CSMD1: variants seen among roughly 807,000 people sequenced by gnomAD.
CSMD1 encodes CUB and sushi domain-containing protein 1.
In CSMD1, 213 loss-of-function variants were observed where a neutral mutation model predicts 417.5. The observed-to-expected ratio is 0.51, with a 90% CI of 0.46 to 0.57. The LOEUF is 0.57. Among genes scored for constraint, CSMD1 ranks in the 20% least tolerant of loss-of-function variants. The pLI is 0.00. For missense variants in CSMD1, 6,923 were observed against 4,529.7 expected (o/e 1.53, Z -15.17); for synonymous variants, 2,862 against 1,736.8 (o/e 1.65, Z -16.11).
chr8:4,383,370 G>C (rs768914558), intron 3 of CSMD1, among the ~76,000 whole-genome samples: 2 of 152,102 alleles, frequency 1.3e-5, no homozygotes, highest in Non-Finnish European at 2.9e-5. Flanking sequence ...TTTGCTTATG[G>C]AAATGTTTAC....
Position 4,619,438 on chromosome 8 carries a change from G to A in CSMD1, c.302+17904C>T, listed in dbSNP as rs148681994. ...TTTAGTCCTTCAACTAGCGGTCGTC[G>A]TTGTGACAGTAGCTAGTGTAGTAGA... On this transcript the variant is annotated intron_variant, in intron 2 of 69. Coordinates refer to ENST00000635120, the MANE Select transcript of CSMD1 (RefSeq NM_033225.6). Among the ~76,000 whole-genome samples, 27 of 152,256 alleles carry A rather than the reference G, an allele frequency of 1.8e-4. No homozygotes were observed. In the South Asian group the frequency reaches 2.7e-3, roughly 15 times the overall value.
chr8:3,762,197 G>A (rs553633653), intron 5 of CSMD1, among the ~76,000 whole-genome samples: 21 of 152,144 alleles, frequency 1.4e-4, no homozygotes, highest in East Asian at 9.7e-4. Context: ...CATGCAGGGC[G>A]CCATGCAAAG....
At chr8:3,414,095 C>T (rs745771895) in intron 12 of CSMD1, among the ~76,000 whole-genome samples, 2 of 146,604 alleles carry the variant, frequency 1.4e-5, no homozygotes, top group Non-Finnish European at 1.5e-5. Flanking sequence ...GCCAAGATCG[C>T]GACACTGCAG....
At chr8:3,583,618 A>C (rs1800474439) in intron 9 of CSMD1, among the ~76,000 whole-genome samples, 1 of 152,024 alleles carries the variant, frequency 6.6e-6, no homozygotes, top group South Asian at 2.1e-4. Flanking sequence ...ATGATAGGAA[A>C]GACATAAACT....
At chr8:4,036,098 G>A (rs909416977) in intron 3 of CSMD1, among the ~76,000 whole-genome samples, 2 of 152,106 alleles carry the variant, frequency 1.3e-5, no homozygotes, top group African/African-American at 4.8e-5. Context: ...GTACAGGTTT[G>A]CACTCTAGGA....
In CSMD1 at chr8:3,964,369, A is replaced by G. The variant is rs143243247; in HGVS notation, c.818+33534T>C. On this transcript the variant is annotated intron_variant, in intron 5 of 69. Transcript: ENST00000635120. Reference sequence around the variant, plus strand: ...TGAGCACTGGTACAACTTAATTCACATTTGTTTGTATCAATTCCAACGTAT... The same window carrying G: ...TGAGCACTGGTACAACTTAATTCACGTTTGTTTGTATCAATTCCAACGTAT... 8.6e-3 allele frequency among the ~76,000 whole-genome samples: 1,305 copies of G among 152,210 alleles called. 9 individuals are homozygous for G. The highest frequency in any genetic ancestry group is 0.014 in the Non-Finnish European group (979 of 68,022).
intron 5 of CSMD1, among the ~76,000 whole-genome samples, chr8:3,899,454 G>C (rs1309995154): frequency 6.6e-6 from 1 of 152,068 alleles, no homozygotes; most frequent in Non-Finnish European, 1.5e-5. Flanking sequence ...GAGATGGGGT[G>C]GTATTGATCC....
At chr8:3,536,648 C>G (rs988742481) in intron 10 of CSMD1, among the ~76,000 whole-genome samples, 2 of 152,168 alleles carry the variant, frequency 1.3e-5, no homozygotes, top group African/African-American at 4.8e-5. Context: ...TCACTACCAT[C>G]TAGTGGCAGT....
intron 3 of CSMD1, among the ~76,000 whole-genome samples, chr8:4,292,464 G>C (rs1332972398): frequency 6.6e-6 from 1 of 152,086 alleles, no homozygotes; most frequent in Non-Finnish European, 1.5e-5. Flanking sequence ...GTGTTAGTCA[G>C]AATGGTCTCG....
intron 1 of CSMD1, among the ~76,000 whole-genome samples, chr8:4,738,907 G>GTGTGTGTGTGTC: frequency 6.6e-6 from 1 of 151,974 alleles, no homozygotes; most frequent in East Asian, 1.9e-4. Context: ...GTGTGTTTGT[G>GTGTGTGTGTGTC]TGTGTGTGTG....
rs764079479 is a variant in CSMD1, at chr8:2,965,653, T to C, written c.9280+122A>G. 8.1e-6 allele frequency: 6 copies of C among 736,704 alleles called. No homozygotes were observed. The African/African-American group carries it at 8.9e-5, about 11-fold the overall frequency. 45.6% of individuals were successfully genotyped at this position (736,704 alleles called of 1,614,324 possible). A position where few individuals can be genotyped will look rare whatever the true frequency, so the allele number is the denominator to read the frequency against. Reference sequence around the variant, plus strand: ...AATAAAGTGACTTAATAGTTGCAAATTGCTGTTCAAGAATTCCTAGCCCCT... The same window carrying C: ...AATAAAGTGACTTAATAGTTGCAAACTGCTGTTCAAGAATTCCTAGCCCCT... On this transcript the variant is annotated intron_variant, in intron 59 of 69. Transcript: ENST00000635120.
chr8:2,999,445 C>A (rs1038584783), intron 53 of CSMD1, among the ~76,000 whole-genome samples: 1 of 152,134 alleles, frequency 6.6e-6, no homozygotes, highest in African/African-American at 2.4e-5. Flanking sequence ...TGAGCCACCA[C>A]GCCTGGCCAA....
At position 4,351,949 on chromosome 8, in the gene CSMD1, A is replaced by ATTTT. The variant is rs33935906; in HGVS notation, c.415+68000_415+68003dup. ...TTCAAGGTAACATTGCCTTTATGCT[A>ATTTT]TTTTTTTTTTTTTTTCAGAAAAAAA... On this transcript the variant is annotated intron_variant, in intron 3 of 69. Coordinates refer to ENST00000635120, the MANE Select transcript of CSMD1 (RefSeq NM_033225.6). 9.1e-3 allele frequency among the ~76,000 whole-genome samples: 1,293 copies of ATTTT among 141,688 alleles called. 5 individuals carry two copies. Among genetic ancestry groups the ATTTT allele is most frequent in the East Asian group, 0.034 (164 of 4,788 alleles). The allele number at this position is 141,688 out of a possible 152,430, so 93.0% of individuals were successfully genotyped here.
chr8:4,291,041 G>C (rs571294730), intron 3 of CSMD1, among the ~76,000 whole-genome samples: 2 of 152,128 alleles, frequency 1.3e-5, no homozygotes, highest in African/African-American at 2.4e-5. Flanking sequence ...TTGTACCCTA[G>C]TGTAAAATAT....
At chr8:4,899,844 G>C (rs974519723) in intron 1 of CSMD1, among the ~76,000 whole-genome samples, 3 of 152,198 alleles carry the variant, frequency 2.0e-5, no homozygotes, top group Admixed American at 1.3e-4. Flanking sequence ...AGGTCTTGCA[G>C]ATAGCTTTTT....
chr8:3,312,665 C>T (rs896120359), intron 23 of CSMD1, among the ~76,000 whole-genome samples: 15 of 152,132 alleles, frequency 9.9e-5, no homozygotes, highest in Non-Finnish European at 1.8e-4. Flanking sequence ...AGAAACATCC[C>T]TAGAAATCTG....
intron 5 of CSMD1, among the ~76,000 whole-genome samples, chr8:3,795,943 ATATCTATCATGTACAGATATAGATATC>A (rs1563088674): frequency 5.5e-4 from 24 of 44,016 alleles, no homozygotes; most frequent in African/African-American, 7.9e-4. Context: ...ACAGATATAG[ATATCTATCATGTACAGATATAGATATC>A]TATCATGTAC....
At chr8:3,819,561 C>CACACTCTT (rs3219854) in intron 5 of CSMD1, among the ~76,000 whole-genome samples, 4 of 149,780 alleles carry the variant, frequency 2.7e-5, no homozygotes, top group African/African-American at 7.4e-5. Flanking sequence ...CACACACACA[C>CACACTCTT]GTATGTATAT....
chr8:4,622,782 C>G (rs949794894), intron 2 of CSMD1, among the ~76,000 whole-genome samples: 5 of 152,094 alleles, frequency 3.3e-5, no homozygotes. Context: ...CATTTCAATA[C>G]AGCACCCAAA....
Sources: gnomAD v4.1 joint callset for allele counts (sites outside exome capture counted in the v4.1 genomes callset) on GRCh38, gnomAD v4.1.1 for gene constraint, MANE v1.5 for transcripts, NCBI Gene and HGNC (gene_info 2026-07-23, HGNC 2026-07-21) for gene names.